The following NWD2 variants were observed in gnomAD, a reference collection of about 807,000 sequenced individuals.
The protein encoded by NWD2 is NACHT and WD repeat domain containing 2.
A neutral mutation model predicts 132.7 loss-of-function variants in NWD2; 37 were observed. That is an observed-to-expected ratio of 0.28 (90% confidence interval 0.21 to 0.37). The LOEUF (loss-of-function observed/expected upper bound fraction) is 0.37. Among genes scored for constraint, NWD2 ranks in the 10% least tolerant of loss-of-function variants. The probability of loss-of-function intolerance (pLI) is 1.00; values close to 1 mark genes in which losing one functional copy is unlikely to be tolerated. For missense variants in NWD2, 1,592 were observed against 2,122.4 expected, an observed-to-expected ratio of 0.75 and a Z score of 4.91; for synonymous variants, 705 against 803.0, an observed-to-expected ratio of 0.88 and a Z score of 2.06.
At position 37,285,101 on chromosome 4, in the gene NWD2, C is replaced by T. The variant is rs1718202449; in HGVS notation, c.151+39883C>T. Among the ~76,000 whole-genome samples the T allele has an allele frequency of 3.9e-5, 6 of 152,152 alleles. No individual in the cohort carries two copies. In the South Asian group the frequency reaches 1.2e-3, roughly 32 times the overall value. Reference sequence around the variant, plus strand: ...CAATGTTAACACTCGTTTCTACACCCAGCCCCTTTCACTCCCCACATCCTC... The same window carrying T: ...CAATGTTAACACTCGTTTCTACACCTAGCCCCTTTCACTCCCCACATCCTC... On this transcript the variant is annotated intron_variant, in intron 1 of 6. Coordinates refer to ENST00000309447, the MANE Select transcript of NWD2 (RefSeq NM_001144990.2).
intron 2 of NWD2, among the ~76,000 whole-genome samples, chr4:37,352,530 A>G (rs970389680): frequency 6.6e-6 from 1 of 152,210 alleles, no homozygotes; most frequent in Admixed American, 6.5e-5. Context: ...AACTTGCTTT[A>G]TGAATCTGGG....
chr4:37,313,681 GT>G lies in NWD2; in HGVS notation c.152-12249del, dbSNP rs766589276. Among the ~76,000 whole-genome samples, 16 of 150,942 alleles carry G rather than the reference GT, an allele frequency of 1.1e-4. 1 individual carries two copies. In the South Asian group the frequency reaches 3.3e-3, roughly 31 times the overall value. On this transcript the variant is annotated intron_variant, in intron 1 of 6. Transcript: ENST00000309447. ...GTTCGTTTCTATTCCTTGTTGATGA[GT>G]TTTTTGTTTGTTTGTTTGTTGTTTG...
intron 1 of NWD2, among the ~76,000 whole-genome samples, chr4:37,272,142 A>G (rs1199924719): frequency 1.3e-5 from 2 of 151,820 alleles, no homozygotes; most frequent in Non-Finnish European, 2.9e-5. Context: ...GTTCTTCTTC[A>G]GATAACCTAA....
chr4:37,370,102 A>T (rs1022049181), intron 3 of NWD2, among the ~76,000 whole-genome samples: 1 of 152,228 alleles, frequency 6.6e-6, no homozygotes, highest in South Asian at 2.1e-4. Flanking sequence ...CTGCACAACT[A>T]TTCTGCAGAT....
At chr4:37,300,814 T>C (rs1005746285) in intron 1 of NWD2, among the ~76,000 whole-genome samples, 3 of 152,152 alleles carry the variant, frequency 2.0e-5, no homozygotes, top group African/African-American at 7.2e-5. Flanking sequence ...GTTTTAATTC[T>C]CATCACTCCT....
rs942282002 is a variant in NWD2, at chr4:37,434,013, G to C, written c.699G>C (p.Leu233=). 3 of 1,542,420 alleles carry C rather than the reference G, an allele frequency of 1.9e-6. No homozygotes were observed. In the Admixed American group the frequency reaches 6.1e-5, roughly 31 times the overall value. ...KMKHSQAKRY[L]FSAIEDEFDF... Reference sequence around the variant, plus strand: ...AACACAGCCAGGCTAAGAGGTACCTGTTCTCAGGTAATTTTCCCATACCTT... The same window carrying C: ...AACACAGCCAGGCTAAGAGGTACCTCTTCTCAGGTAATTTTCCCATACCTT... Residue 233 remains leucine, a synonymous_variant, in exon 5 of 7, where the codon CTG becomes CTC. Transcript: ENST00000309447.
chr4:37,265,177 G>GA (rs1049022269), intron 1 of NWD2, among the ~76,000 whole-genome samples: 1 of 151,916 alleles, frequency 6.6e-6, no homozygotes, highest in African/African-American at 2.4e-5. Flanking sequence ...CATTCTTTAA[G>GA]AAAAAAAGGA....
At chr4:37,437,328 G>A (rs146505625) in intron 5 of NWD2, among the ~76,000 whole-genome samples, 1 of 152,230 alleles carries the variant, frequency 6.6e-6, no homozygotes, top group East Asian at 1.9e-4. Flanking sequence ...CACAGGGCAG[G>A]AGGGCAAGGG....
At chr4:37,321,200 T>A (rs1252918591) in intron 1 of NWD2, among the ~76,000 whole-genome samples, 2 of 152,070 alleles carry the variant, frequency 1.3e-5, no homozygotes, top group Non-Finnish European at 2.9e-5. Context: ...ATGCCTTTAG[T>A]TTGTTGAAGA....
At chr4:37,295,450 G>A (rs188676995) in intron 1 of NWD2, among the ~76,000 whole-genome samples, 25 of 152,242 alleles carry the variant, frequency 1.6e-4, no homozygotes, top group East Asian at 5.8e-4. Context: ...CTCATGCTGC[G>A]CCTTAGCTCA....
intron 2 of NWD2, among the ~76,000 whole-genome samples, chr4:37,346,313 A>G (rs1254050196): frequency 6.6e-6 from 1 of 152,212 alleles, no homozygotes; most frequent in African/African-American, 2.4e-5. Context: ...ATTGAAAATC[A>G]GTTGACCTTA....
chr4:37,280,765 G>A (rs1453361250), intron 1 of NWD2, among the ~76,000 whole-genome samples: 1 of 152,122 alleles, frequency 6.6e-6, no homozygotes, highest in Non-Finnish European at 1.5e-5. Context: ...TAGTAGAATT[G>A]TTACCGCCCC....
intron 1 of NWD2, among the ~76,000 whole-genome samples, chr4:37,282,417 A>G (rs1013471637): frequency 3.3e-5 from 5 of 152,196 alleles, no homozygotes; most frequent in Non-Finnish European, 7.3e-5. Flanking sequence ...TGTTGAGACT[A>G]TTAGTCTGCT....
chr4:37,365,554 T>C (rs1275956954), intron 3 of NWD2, among the ~76,000 whole-genome samples: 1 of 152,220 alleles, frequency 6.6e-6, no homozygotes, highest in Non-Finnish European at 1.5e-5. Context: ...AACAAATATT[T>C]CTTTACTTAT....
chr4:37,278,357 T>A (rs1718066080), intron 1 of NWD2, among the ~76,000 whole-genome samples: 1 of 152,136 alleles, frequency 6.6e-6, no homozygotes, highest in African/African-American at 2.4e-5. Context: ...TTGAGATTAT[T>A]ATGTCCACGA....
chr4:37,337,068 C>T (rs933230714), intron 2 of NWD2, among the ~76,000 whole-genome samples: 1 of 150,938 alleles, frequency 6.6e-6, no homozygotes, highest in Admixed American at 6.6e-5. Context: ...GAAATAAATA[C>T]TTAATGCAAC....
intron 1 of NWD2, among the ~76,000 whole-genome samples, chr4:37,270,668 T>G (rs1448504476): frequency 9.2e-5 from 14 of 151,830 alleles, no homozygotes. Context: ...TGGGTGTGAG[T>G]CATTTGTCAT....
intron 2 of NWD2, among the ~76,000 whole-genome samples, chr4:37,341,698 G>A (rs989415793): frequency 1.3e-5 from 2 of 152,148 alleles, no homozygotes; most frequent in Admixed American, 1.3e-4. Context: ...CTTGTTTCCT[G>A]TGTGACTTTG....
At chr4:37,436,933 T>G (rs1470339088) in intron 5 of NWD2, among the ~76,000 whole-genome samples, 1 of 152,178 alleles carries the variant, frequency 6.6e-6, no homozygotes, top group Non-Finnish European at 1.5e-5. Context: ...ATTTGTAAAA[T>G]GTACTGATGC....
Sources: gnomAD v4.1 joint callset for allele counts (sites outside exome capture counted in the v4.1 genomes callset) on GRCh38, gnomAD v4.1.1 for gene constraint, MANE v1.5 for transcripts, NCBI Gene and HGNC (gene_info 2026-07-23, HGNC 2026-07-21) for gene names.